Variants in UNC80 observed in about 807,000 individuals in gnomAD.
UNC80 encodes protein unc-80 homolog.
UNC80 carries 164 observed loss-of-function variants against 384.6 expected under a neutral mutation model. The ratio of observed to expected loss-of-function variants is 0.43; its 90% CI spans 0.38 to 0.49. The LOEUF (loss-of-function observed/expected upper bound fraction) is 0.49, where lower values mean the gene tolerates loss of function less well. Ranked by LOEUF, UNC80 falls within the 20% of genes least tolerant of loss-of-function variation. The pLI is 0.00. For missense variants in UNC80, 3,330 were observed against 4,143.0 expected (o/e 0.80, Z 5.39); for synonymous variants, 1,486 against 1,527.8 (o/e 0.97, Z 0.64).
chr2:209,928,457 T>G (rs1181783716), intron 36 of UNC80, among the ~76,000 whole-genome samples: 1 of 152,232 alleles, frequency 6.6e-6, no homozygotes, highest in African/African-American at 2.4e-5. Context: ...TATTTTTCTC[T>G]TTGCATTTTT....
intron 61 of UNC80, among the ~76,000 whole-genome samples, chr2:209,989,877 G>C (rs1405314472): frequency 6.6e-6 from 1 of 152,130 alleles, no homozygotes; most frequent in Non-Finnish European, 1.5e-5. Context: ...ATTCCTAACT[G>C]TACAGAGTTA....
At chr2:209,835,124 T>C in intron 18 of UNC80, 114 bp downstream of exon 18, 4 of 810,112 alleles carry the variant, frequency 4.9e-6, no homozygotes, top group Non-Finnish European at 7.8e-6. Context: ...AATTTTGCCT[T>C]GTTTCTACCC....
chr2:209,786,999 A>T (rs1474954771), intron 5 of UNC80, among the ~76,000 whole-genome samples: 30 of 118,580 alleles, frequency 2.5e-4, no homozygotes, highest in African/African-American at 9.9e-4. Context: ...ATATATATAT[A>T]TATATATATA....
At chr2:209,830,894 A>G (rs1374734484) in intron 15 of UNC80, among the ~76,000 whole-genome samples, 1 of 152,166 alleles carries the variant, frequency 6.6e-6, no homozygotes, top group Admixed American at 6.5e-5. Flanking sequence ...AGTTCTTGGC[A>G]GGACTCTGTC....
intron 31 of UNC80, 53 bp from the exon 32 acceptor site, chr2:209,917,724 G>C: frequency 6.5e-7 from 1 of 1,538,972 alleles, no homozygotes. Context: ...CCCAACCCCA[G>C]GAACTAAGCA....
intron 35 of UNC80, among the ~76,000 whole-genome samples, chr2:209,923,985 A>G (rs544235197): frequency 1.3e-5 from 2 of 152,168 alleles, no homozygotes; most frequent in South Asian, 4.1e-4. Flanking sequence ...AGTTTTATTT[A>G]TATCTTTATC....
chr2:209,979,893 G>A lies in UNC80; in HGVS notation c.9118+1185G>A, dbSNP rs143842452. Among the ~76,000 whole-genome samples the A allele has an allele frequency of 8.5e-4, 129 of 152,284 alleles. 3 individuals are homozygous for A. The East Asian group carries it at 0.019, about 23-fold the overall frequency. On this transcript the variant is annotated intron_variant, in intron 59 of 64. Transcript: ENST00000673920. ...ATTAAGTAGAAGAAACGAGAGTTGA[G>A]GTTAGAATTTTAATTAACTAAGATG...
chr2:209,898,332 T>C (rs1201696920), intron 28 of UNC80, among the ~76,000 whole-genome samples: 1 of 152,190 alleles, frequency 6.6e-6, no homozygotes, highest in African/African-American at 2.4e-5. Flanking sequence ...ACCACTTTGC[T>C]AACATGAATT....
intron 48 of UNC80, among the ~76,000 whole-genome samples, chr2:209,955,738 T>TACAC (rs1156428874): frequency 0.017 from 897 of 53,320 alleles, 43 homozygotes; most frequent in South Asian, 0.024. Context: ...TATATATATA[T>TACAC]ACACACACAC....
At chr2:209,854,592 TAAAC>T (rs2082755098) in intron 22 of UNC80, among the ~76,000 whole-genome samples, 1 of 151,796 alleles carries the variant, frequency 6.6e-6, no homozygotes, top group Non-Finnish European at 1.5e-5. Flanking sequence ...ACAAGGAACT[TAAAC>T]AAATTTACAA....
At chr2:209,886,641 G>A (rs1196255874) in intron 25 of UNC80, among the ~76,000 whole-genome samples, 2 of 152,046 alleles carry the variant, frequency 1.3e-5, no homozygotes, top group African/African-American at 4.8e-5. Context: ...CTCTTAGAAG[G>A]GAGTAAGAAA....
At chr2:209,938,842 G>C (rs1346452931) in intron 42 of UNC80, among the ~76,000 whole-genome samples, 1 of 152,044 alleles carries the variant, frequency 6.6e-6, no homozygotes, top group African/African-American at 2.4e-5. Context: ...AAGTTCCTCA[G>C]GGAGATTATA....
At chr2:209,790,246 C>A (rs2077711323) in intron 6 of UNC80, among the ~76,000 whole-genome samples, 2 of 152,142 alleles carry the variant, frequency 1.3e-5, no homozygotes, top group African/African-American at 2.4e-5. Context: ...TAACTTATGG[C>A]ATTAAATGAC....
intron 39 of UNC80, 68 bp downstream of exon 39, chr2:209,934,073 A>T (rs2091075590): frequency 7.3e-7 from 1 of 1,375,214 alleles, no homozygotes; most frequent in Non-Finnish European, 9.7e-7. Context: ...TTGAAAGACT[A>T]AGAGTCTCTT....
chr2:209,835,015 G>C lies in UNC80; in HGVS notation c.3041+5G>C. 6.5e-7 allele frequency: 1 copy of C among 1,548,980 alleles called. No individual in the cohort carries two copies. Among genetic ancestry groups the C allele is most frequent in the Non-Finnish European group, 8.7e-7 (1 of 1,145,276 alleles). The stretch of plus-strand genomic sequence containing the variant: ...CCCCTCACAGACTCCAGAGCAGTAA[G>C]TAGCGTTGGTTTTGTCTCCAGTGCA... On this transcript the variant is annotated splice_donor_5th_base_variant and intron_variant, in intron 18 of 64. Transcript: ENST00000673920.
At chr2:209,835,509 C>T (rs554748793) in intron 18 of UNC80, among the ~76,000 whole-genome samples, 5 of 152,142 alleles carry the variant, frequency 3.3e-5, no homozygotes, top group East Asian at 3.9e-4. Context: ...CAGTGTCCTC[C>T]GACATCAGTT....
chr2:209,983,216 A>C (rs1168839279), intron 60 of UNC80, among the ~76,000 whole-genome samples: 2 of 152,192 alleles, frequency 1.3e-5, no homozygotes, highest in Admixed American at 1.3e-4. Context: ...ATATGTAGGA[A>C]TAATTACCCT....
rs2092510759 is a variant in UNC80, at chr2:209,959,164, G to A, written c.7586+10G>A. ...AACTGCACTTTATCAGGTACAGAAA[G>A]ACTTGCTCTAATTTCATACCAGTTC... is the stretch of plus-strand genomic sequence containing the variant. On this transcript the variant is annotated intron_variant, in intron 50 of 64. Coordinates refer to ENST00000673920, the MANE Select transcript of UNC80 (RefSeq NM_001371986.1). 1 of 1,551,830 alleles carries A rather than the reference G, an allele frequency of 6.4e-7. No homozygotes were observed. Among genetic ancestry groups the A allele is most frequent in the African/African-American group, 1.4e-5 (1 of 73,032 alleles).
Position 209,994,207 on chromosome 2 carries a change from C to A in UNC80, c.9651C>A (p.Val3217=). The A allele has an allele frequency of 6.4e-7, 1 of 1,551,198 alleles. No homozygotes were observed. Among genetic ancestry groups the A allele is most frequent in the Non-Finnish European group, 8.7e-7 (1 of 1,146,720 alleles). The change falls in exon 64 of 65, where the codon GTC becomes GTA. Residue 3217 remains valine, a synonymous_variant. Coordinates refer to ENST00000673920, the MANE Select transcript of UNC80 (RefSeq NM_001371986.1). ...SRKPEAMDEP[V]LTSSPAIVVA... ...AACCAGAAGCAATGGACGAACCAGT[C>A]CTCACATCTTCTCCCGCCATAGTTG...
Sources: allele counts gnomAD v4.1 joint callset (sites outside exome capture counted in the v4.1 genomes callset), GRCh38; gene constraint gnomAD v4.1.1; transcripts MANE v1.5; gene names NCBI Gene and HGNC (gene_info 2026-07-23, HGNC 2026-07-21).